Variants in AGTPBP1 observed in about 807,000 individuals in gnomAD.
AGTPBP1 encodes the protein ATP/GTP binding carboxypeptidase 1.
Under a neutral mutation model 143.9 loss-of-function variants are expected in AGTPBP1, and 70 were observed. The ratio of observed to expected loss-of-function variants is 0.49; its 90% CI spans 0.40 to 0.59. The LOEUF (loss-of-function observed/expected upper bound fraction) is 0.59, where lower values mean the gene tolerates loss of function less well. AGTPBP1 is among the 20% of genes least tolerant of loss of function. AGTPBP1 has a pLI of 0.00. For synonymous variants in AGTPBP1, 463 were observed against 500.2 expected (o/e 0.93, Z 0.99); for missense variants, 1,229 against 1,464.5 (o/e 0.84, Z 2.62).
intron 14 of AGTPBP1, among the ~76,000 whole-genome samples, chr9:85,622,476 T>C (rs529040993): frequency 1.3e-5 from 2 of 151,834 alleles, no homozygotes; most frequent in South Asian, 4.2e-4. Flanking sequence ...AAATTAAAAA[T>C]TACCAGGAAA....
chr9:85,633,839 T>C (rs1831849268), intron 13 of AGTPBP1, among the ~76,000 whole-genome samples: 2 of 148,744 alleles, frequency 1.3e-5, no homozygotes, highest in East Asian at 2.0e-4. Flanking sequence ...AAGTAATAAA[T>C]ACGATATATA....
chr9:85,705,007 G>C (rs1836892664), intron 2 of AGTPBP1, among the ~76,000 whole-genome samples: 2 of 151,880 alleles, frequency 1.3e-5, no homozygotes, highest in Admixed American at 1.3e-4. Flanking sequence ...AAATAAAAGA[G>C]AGAGAAAAAA....
chr9:85,591,863 C>A (rs1454696687), intron 19 of AGTPBP1, among the ~76,000 whole-genome samples: 3 of 152,080 alleles, frequency 2.0e-5, no homozygotes, highest in African/African-American at 7.2e-5. Context: ...TCTTCATGAT[C>A]TTTGACATTA....
chr9:85,695,996 T>C (rs1394944599), intron 2 of AGTPBP1, among the ~76,000 whole-genome samples: 1 of 152,044 alleles, frequency 6.6e-6, no homozygotes, highest in Non-Finnish European at 1.5e-5. Context: ...CATGAGCCAT[T>C]ACACCCAGCT....
the AGTPBP1 span, among the ~76,000 whole-genome samples, chr9:85,761,703 C>T: frequency 3.2e-4 from 48 of 152,312 alleles, no homozygotes; most frequent in African/African-American, 1.1e-3. Flanking sequence ...CCATTCAGAA[C>T]ATAGGCATGG....
At chr9:85,620,627 GTGA>G (rs2069955060) in intron 15 of AGTPBP1, among the ~76,000 whole-genome samples, 1 of 152,066 alleles carries the variant, frequency 6.6e-6, no homozygotes, top group Admixed American at 6.6e-5. Flanking sequence ...ATCCTAAAAT[GTGA>G]TGATATCAGT....
intron 25 of AGTPBP1, among the ~76,000 whole-genome samples, chr9:85,567,260 T>C (rs908780683): frequency 6.6e-6 from 1 of 152,190 alleles, no homozygotes; most frequent in Non-Finnish European, 1.5e-5. Flanking sequence ...CTTTAGGGTC[T>C]TCAAAGAAGG....
intron 1 of AGTPBP1, among the ~76,000 whole-genome samples, chr9:85,726,644 C>T (rs1288500006): frequency 6.6e-6 from 1 of 152,208 alleles, no homozygotes; most frequent in Non-Finnish European, 1.5e-5. Flanking sequence ...TTTTCCTATA[C>T]CATTTTGTGT....
chr9:85,799,310 T>C, the AGTPBP1 span, among the ~76,000 whole-genome samples: 8 of 152,186 alleles, frequency 5.3e-5, no homozygotes, highest in East Asian at 1.5e-3. Flanking sequence ...TATGTCTTTA[T>C]AGTAGCATGA....
At chr9:85,694,182 G>A (rs1392199276) in intron 2 of AGTPBP1, among the ~76,000 whole-genome samples, 1 of 152,166 alleles carries the variant, frequency 6.6e-6, no homozygotes, top group Non-Finnish European at 1.5e-5. Flanking sequence ...CACTTTTAAC[G>A]GGCTCTATTT....
intron 1 of AGTPBP1, among the ~76,000 whole-genome samples, chr9:85,728,062 CACACACACACACACAT>C (rs1838632686): frequency 6.6e-6 from 1 of 150,746 alleles, no homozygotes; most frequent in South Asian, 2.1e-4. Context: ...CACACACACA[CACACACACACACACAT>C]ATTTACTTCA....
chr9:85,655,210 A>C lies in AGTPBP1; in HGVS notation c.1020T>G (p.Phe340Leu). 6.2e-7 allele frequency: 1 copy of C among 1,612,972 alleles called. No individual in the cohort carries two copies. The highest frequency in any genetic ancestry group is 1.3e-5 in the African/African-American group (1 of 75,016). Residue 340 changes from phenylalanine (F) to leucine (L), a missense_variant, in exon 11 of 26, where the codon TTT (phenylalanine) becomes TTG (leucine). Physicochemically the swap from Phe to Leu is conservative, Grantham distance 22. Transcript: ENST00000357081. ...RLPLPTIKSS[F>L]HFQLPVIPVT... ...CAGGAATAACAGGCAACTGGAAATG[A>C]AAAGAACTTTTAATTGTTGGGAGTG...
chr9:85,681,237 G>A (rs375658188), intron 4 of AGTPBP1, 31 bp downstream of exon 4: 7 of 1,596,660 alleles, frequency 4.4e-6, no homozygotes, highest in African/African-American at 4.0e-5. Flanking sequence ...GGCATTAGTA[G>A]TTACATAATT....
At chr9:85,737,561 G>T (rs1269486525) in intron 1 of AGTPBP1, among the ~76,000 whole-genome samples, 1 of 152,200 alleles carries the variant, frequency 6.6e-6, no homozygotes, top group South Asian at 2.1e-4. Flanking sequence ...AACAAAATGG[G>T]TGGTGATATT....
At chr9:85,665,707 AT>A (rs1388287591) in intron 8 of AGTPBP1, among the ~76,000 whole-genome samples, 1 of 152,028 alleles carries the variant, frequency 6.6e-6, no homozygotes. Flanking sequence ...AAAATAGAAC[AT>A]TTTTTTCTGT....
chr9:85,761,797 T>A, the AGTPBP1 span, among the ~76,000 whole-genome samples: 1 of 152,112 alleles, frequency 6.6e-6, no homozygotes, highest in African/African-American at 2.4e-5. Context: ...ACTAAAGAGC[T>A]TCTGCACAGC....
At chr9:85,587,703 A>T (rs1007820039) in intron 21 of AGTPBP1, among the ~76,000 whole-genome samples, 1 of 152,192 alleles carries the variant, frequency 6.6e-6, no homozygotes, top group Non-Finnish European at 1.5e-5. Flanking sequence ...TACTCATGAC[A>T]ACTATACTAA....
At chr9:85,573,314 C>A (rs918046871) in intron 25 of AGTPBP1, among the ~76,000 whole-genome samples, 1 of 152,186 alleles carries the variant, frequency 6.6e-6, no homozygotes, top group African/African-American at 2.4e-5. Flanking sequence ...CTGTGTTGGC[C>A]GGGCTGGTCT....
At chr9:85,785,283 G>A in the AGTPBP1 span, among the ~76,000 whole-genome samples, 9 of 151,448 alleles carry the variant, frequency 5.9e-5, no homozygotes, top group South Asian at 4.2e-4. Flanking sequence ...GCAGTAAGCC[G>A]AGATCACACC....
Sources: gnomAD v4.1 joint callset for allele counts (sites outside exome capture counted in the v4.1 genomes callset) on GRCh38, gnomAD v4.1.1 for gene constraint, MANE v1.5 for transcripts, NCBI Gene and HGNC (gene_info 2026-07-23, HGNC 2026-07-21) for gene names.